The following TRDMT1 variants were observed in gnomAD, a reference collection of about 807,000 sequenced individuals.
TRDMT1 encodes tRNA (cytosine(38)-C(5))-methyltransferase.
TRDMT1 carries 49 observed loss-of-function variants against 51.2 expected under a neutral mutation model. That is an observed-to-expected ratio of 0.96 (90% CI 0.76 to 1.21). TRDMT1 has a LOEUF of 1.21. TRDMT1 is among the 50% of genes most tolerant of loss of function. The pLI, the probability that TRDMT1 is intolerant of heterozygous loss-of-function variation, is 0.00. For synonymous variants in TRDMT1, 187 were observed against 164.6 expected, an observed-to-expected ratio of 1.14 and a Z score of -1.04; for missense variants, 534 against 462.3, an observed-to-expected ratio of 1.16 and a Z score of -1.42.
chr10:17,163,052 CA>C (rs200492576), intron 3 of TRDMT1, among the ~76,000 whole-genome samples: 3,247 of 152,178 alleles, frequency 0.021, 43 homozygotes, highest in Non-Finnish European at 0.033. Flanking sequence ...CACTGGTGGC[CA>C]ATCTAAGCCA....
In TRDMT1 at chr10:17,154,732, T is replaced by C; in HGVS notation, c.890A>G (p.Tyr297Cys). ...CCCTGTCCCTTCTATGTAGCTTCCA[T>C]ATCTGAAAAATCAACACAACAATTA... ...CRRSVCFTKG[Y>C]GSYIEGTGSV... Residue 297 changes from tyrosine to cysteine, a missense_variant and splice_region_variant, in exon 9 of 11, where the codon TAT becomes TGT. Coordinates refer to ENST00000377799, the MANE Select transcript of TRDMT1 (RefSeq NM_004412.7). 1 of 1,603,036 alleles carries C rather than the reference T, an allele frequency of 6.2e-7. No individual in the cohort carries two copies. Among genetic ancestry groups the C allele is most frequent in the Non-Finnish European group, 8.5e-7 (1 of 1,175,134 alleles).
chr10:17,145,028 T>A lies in TRDMT1; in HGVS notation c.*4012A>T. 1.1e-6 allele frequency: 1 copy of A among 948,150 alleles called. No individual in the cohort carries two copies. The highest frequency in any genetic ancestry group is 1.3e-6 in the Non-Finnish European group (1 of 796,102). The allele number at this position is 948,150 out of a possible 1,614,324, so 58.7% of individuals were successfully genotyped here. A position where few individuals can be genotyped will look rare whatever the true frequency, so the allele number is the denominator to read the frequency against. ...CTTAGGGAAGCCAAGGTGGGTGGATTAACTTGAGGTCAGGTGTTCGAGACC... is the reference window on the plus strand; with the variant it reads ...CTTAGGGAAGCCAAGGTGGGTGGATAAACTTGAGGTCAGGTGTTCGAGACC... On this transcript the variant is annotated 3_prime_UTR_variant, in exon 11 of 11. Transcript: ENST00000377799.
chr10:17,189,886 C>T (rs895816315), intron 1 of TRDMT1, among the ~76,000 whole-genome samples: 7 of 152,046 alleles, frequency 4.6e-5, no homozygotes, highest in Admixed American at 1.3e-4. Context: ...TTTCTTGAGT[C>T]TCATTCATTG....
chr10:17,181,264 G>A (rs1843249108), intron 1 of TRDMT1, among the ~76,000 whole-genome samples: 1 of 152,142 alleles, frequency 6.6e-6, no homozygotes, highest in Admixed American at 6.5e-5. Context: ...TTGGAAAGCA[G>A]ATGTAATGAC....
At chr10:17,162,458 A>C (rs967217676) in intron 3 of TRDMT1, among the ~76,000 whole-genome samples, 4 of 152,208 alleles carry the variant, frequency 2.6e-5, no homozygotes, top group African/African-American at 9.7e-5. Context: ...TTGTAATTCC[A>C]GCACTTTGGG....
rs559277419 is a variant in TRDMT1 at position 17,144,086 on chromosome 10, A to T, written c.*4954T>A. 2.0e-6 allele frequency: 2 copies of T among 985,446 alleles called. No homozygotes were observed. Among genetic ancestry groups the T allele is most frequent in the South Asian group, 9.4e-5 (2 of 21,288 alleles). 61.0% of individuals were successfully genotyped at this position (985,446 alleles called of 1,614,324 possible). On this transcript the variant is annotated 3_prime_UTR_variant, in exon 11 of 11. Transcript: ENST00000377799. ...GGTGAGAATCTCTAAGAAAAATGGC[A>T]TGAAAAGTGAAGGGTAGAAAGAGAC...
chr10:17,194,181 TA>T lies in TRDMT1; in HGVS notation c.64+7389del, dbSNP rs561224230. On this transcript the variant is annotated intron_variant, in intron 1 of 10. Coordinates refer to ENST00000377799, the MANE Select transcript of TRDMT1 (RefSeq NM_004412.7). ...TCAAGATGGATTAAAGACTTGAACG[TA>T]AGACCTCAAACAATAAGAATTCTAG... 1.2e-3 allele frequency among the ~76,000 whole-genome samples: 187 copies of T among 152,306 alleles called. 1 individual carries two copies. Among genetic ancestry groups the T allele is most frequent in the African/African-American group, 4.3e-3 (179 of 41,570 alleles).
intron 10 of TRDMT1, 152 bp from the exon 11 acceptor site, chr10:17,149,292 C>G (rs1178029069): frequency 6.5e-6 from 4 of 616,480 alleles, no homozygotes; most frequent in Non-Finnish European, 1.1e-5. Context: ...GAATTTGGAG[C>G]CAAAAATATT....
At chr10:17,160,270 T>C in intron 6 of TRDMT1, 35 bp downstream of exon 6, 1 of 1,339,200 alleles carries the variant, frequency 7.5e-7, no homozygotes, top group South Asian at 1.8e-5. Flanking sequence ...CTTTAAATTA[T>C]AATTTATATA....
chr10:17,149,222 C>T (rs191324685), intron 10 of TRDMT1, 82 bp from the exon 11 acceptor site: 8 of 1,052,074 alleles, frequency 7.6e-6, no homozygotes, highest in South Asian at 7.1e-5. Flanking sequence ...TTAGTAAGGG[C>T]ACAGCGGTCA....
At chr10:17,199,706 C>T (rs2038574) in intron 1 of TRDMT1, among the ~76,000 whole-genome samples, 122,190 of 152,118 alleles carry the variant, frequency 0.8, 49,409 homozygotes, top group Middle Eastern at 0.88. Context: ...ATCTGGTTTA[C>T]TGTGCAAATG....
In TRDMT1 at chr10:17,184,765, A is replaced by T. The variant is rs991383310; in HGVS notation, c.65-10105T>A. Among the ~76,000 whole-genome samples, 9 of 152,290 alleles carry T rather than the reference A, an allele frequency of 5.9e-5. No homozygotes were observed. The East Asian group carries it at 1.7e-3, about 29-fold the overall frequency. On this transcript the variant is annotated intron_variant, in intron 1 of 10. Coordinates refer to ENST00000377799, the MANE Select transcript of TRDMT1 (RefSeq NM_004412.7). The stretch of plus-strand genomic sequence containing the variant: ...CCCCTTTCCAAGTCTCCTCCTAACT[A>T]TATCATTCTCTACAAATCTTTTTCC...
chr10:17,186,049 T>TAATA (rs10688504), intron 1 of TRDMT1, among the ~76,000 whole-genome samples: 58,159 of 142,754 alleles, frequency 0.41, 12,425 homozygotes, highest in Non-Finnish European at 0.48. Context: ...ACTTACAGTA[T>TAATA]AATAAATAAA....
intron 10 of TRDMT1, among the ~76,000 whole-genome samples, chr10:17,149,658 G>C (rs76832743): frequency 6.6e-6 from 1 of 151,888 alleles, no homozygotes; most frequent in African/African-American, 2.4e-5. Context: ...ACTACCTCCC[G>C]GCCCCCAACC....
Position 17,137,517 on chromosome 10 carries a change from C to T in TRDMT1, c.*11523G>A, listed in dbSNP as rs1837449028. The T allele has an allele frequency of 6.6e-6, 1 of 152,130 alleles. No homozygotes were observed. The highest frequency in any genetic ancestry group is 1.5e-5 in the Non-Finnish European group (1 of 68,054). 9.4% of individuals were successfully genotyped at this position (152,130 alleles called of 1,614,324 possible). A position where few individuals can be genotyped will look rare whatever the true frequency, so the allele number is the denominator to read the frequency against. ...CAAACTAGGAAAGATGTCCAAGGCC[C>T]AGTATGGGCACACTATAGAAAGTGG... On this transcript the variant is annotated 3_prime_UTR_variant, in exon 11 of 11. Transcript: ENST00000377799.
Position 17,145,045 on chromosome 10 carries a change from T to C in TRDMT1, c.*3995A>G. On this transcript the variant is annotated 3_prime_UTR_variant, in exon 11 of 11. Coordinates refer to ENST00000377799, the MANE Select transcript of TRDMT1 (RefSeq NM_004412.7). ...GGGTGGATTAACTTGAGGTCAGGTG[T>C]TCGAGACCAGCCTGGCCAACATGGT... 1.1e-6 allele frequency: 1 copy of C among 882,936 alleles called. No homozygotes were observed. Among genetic ancestry groups the C allele is most frequent in the Non-Finnish European group, 1.4e-6 (1 of 736,704 alleles). 54.7% of individuals were successfully genotyped at this position (882,936 alleles called of 1,614,324 possible).
intron 10 of TRDMT1, chr10:17,150,283 G>T: frequency 1.7e-6 from 1 of 589,210 alleles, no homozygotes; most frequent in Non-Finnish European, 2.1e-6. Flanking sequence ...TCCTTTTGGA[G>T]AAATGTTGAC....
At chr10:17,171,308 G>A (rs1841971745) in intron 2 of TRDMT1, among the ~76,000 whole-genome samples, 1 of 152,132 alleles carries the variant, frequency 6.6e-6, no homozygotes, top group East Asian at 1.9e-4. Context: ...AGACACTGAT[G>A]ACACCTGAAG....
chr10:17,201,621 C>A lies in TRDMT1; in HGVS notation c.14G>T (p.Arg5Leu), dbSNP rs1255446773. The A allele has an allele frequency of 6.5e-7, 1 of 1,545,480 alleles. No homozygotes were observed. Among genetic ancestry groups the A allele is most frequent in the Non-Finnish European group, 8.7e-7 (1 of 1,144,878 alleles). The change falls in exon 1 of 11, where the codon CGG becomes CTG. Residue 5 changes from arginine (R) to leucine (L), a missense_variant. Transcript: ENST00000377799. Reference protein sequence around the residue: MEPLRVLELYSGVGG... With the variant: MEPLLVLELYSGVGG... ...CACGCCGCTGTATAGCTCCAGCACCCGCAGGGGCTCCATCCCCGCGCCTCA... is the reference window on the plus strand; with the variant it reads ...CACGCCGCTGTATAGCTCCAGCACCAGCAGGGGCTCCATCCCCGCGCCTCA...
Sources: allele counts gnomAD v4.1 joint callset (sites outside exome capture counted in the v4.1 genomes callset), GRCh38; gene constraint gnomAD v4.1.1; transcripts MANE v1.5; gene names NCBI Gene and HGNC (gene_info 2026-07-23, HGNC 2026-07-21).